The following CWC27 variants were observed in gnomAD, a reference collection of about 807,000 sequenced individuals.
CWC27 encodes the protein spliceosome-associated protein CWC27 homolog.
A neutral mutation model predicts 63.6 loss-of-function variants in CWC27; 47 were observed. The observed-to-expected ratio is 0.74, with a 90% confidence interval of 0.58 to 0.94. CWC27 has a LOEUF of 0.94. CWC27 is among the 40% of genes least tolerant of loss of function. CWC27 has a pLI of 0.00. For synonymous variants in CWC27, 175 were observed against 179.8 expected (o/e 0.97, Z 0.22); for missense variants, 495 against 554.3 (o/e 0.89, Z 1.07).
At chr5:64,895,545 A>G (rs1453485373) in intron 11 of CWC27, among the ~76,000 whole-genome samples, 1 of 152,208 alleles carries the variant, frequency 6.6e-6, no homozygotes, top group South Asian at 2.1e-4. Flanking sequence ...GTCCTCAAGG[A>G]AAGTATAAAA....
chr5:64,919,137 GCTTT>G (rs1177647607), intron 11 of CWC27, among the ~76,000 whole-genome samples: 2 of 152,134 alleles, frequency 1.3e-5, no homozygotes, highest in African/African-American at 4.8e-5. Context: ...AGATATAAAT[GCTTT>G]CTTTGTGTTT....
At chr5:64,975,188 C>T (rs1210049290) in intron 12 of CWC27, among the ~76,000 whole-genome samples, 3 of 152,122 alleles carry the variant, frequency 2.0e-5, no homozygotes, top group Admixed American at 2.0e-4. Flanking sequence ...AAAGCAATAA[C>T]CAACCACCTT....
chr5:65,008,669 T>G (rs1183003056), intron 13 of CWC27, among the ~76,000 whole-genome samples: 1 of 152,246 alleles, frequency 6.6e-6, no homozygotes, highest in African/African-American at 2.4e-5. Flanking sequence ...TAATTTTTGT[T>G]TACTTTTTCT....
chr5:64,813,675 A>C (rs1465253532), intron 10 of CWC27, among the ~76,000 whole-genome samples: 1 of 152,194 alleles, frequency 6.6e-6, no homozygotes, highest in Admixed American at 6.5e-5. Flanking sequence ...ACATTCTTTA[A>C]GTTATTCAGC....
At chr5:64,838,951 A>G (rs928538458) in intron 10 of CWC27, among the ~76,000 whole-genome samples, 5 of 152,236 alleles carry the variant, frequency 3.3e-5, no homozygotes, top group Admixed American at 6.5e-5. Flanking sequence ...ATAATCAGTC[A>G]TACTATAAAA....
At chr5:64,927,186 G>A (rs935041029) in intron 11 of CWC27, among the ~76,000 whole-genome samples, 1 of 152,090 alleles carries the variant, frequency 6.6e-6, no homozygotes, top group Non-Finnish European at 1.5e-5. Flanking sequence ...ACATCATTTA[G>A]TAAATCTGGC....
At chr5:64,773,419 C>A (rs956550438) in intron 1 of CWC27, among the ~76,000 whole-genome samples, 2 of 152,124 alleles carry the variant, frequency 1.3e-5, no homozygotes, top group African/African-American at 4.8e-5. Flanking sequence ...TCTACACAGA[C>A]AGAAAGTAGA....
In CWC27 at chr5:64,945,095, G is replaced by A. The variant is rs547176248; in HGVS notation, c.1043-26608G>A. 5.9e-5 allele frequency among the ~76,000 whole-genome samples: 9 copies of A among 152,086 alleles called. 1 individual carries two copies. In the South Asian group the frequency reaches 1.9e-3, roughly 32 times the overall value. On this transcript the variant is annotated intron_variant, in intron 11 of 13. Coordinates refer to ENST00000381070, the MANE Select transcript of CWC27 (RefSeq NM_005869.4). ...ATTGCTCATGCTGTTACCTTTTCTG[G>A]ACTGTGGTTCCTCCAGATGTTCACA...
intron 10 of CWC27, among the ~76,000 whole-genome samples, chr5:64,843,352 A>G (rs903161446): frequency 6.6e-6 from 1 of 152,246 alleles, no homozygotes; most frequent in Admixed American, 6.5e-5. Flanking sequence ...AAAGTTAAAG[A>G]TAGCCACTTT....
At chr5:64,957,812 A>G (rs1210728874) in intron 11 of CWC27, among the ~76,000 whole-genome samples, 1 of 152,076 alleles carries the variant, frequency 6.6e-6, no homozygotes, top group East Asian at 1.9e-4. Flanking sequence ...AATTATTAGT[A>G]AAAATAAGAC....
chr5:64,980,996 G>A (rs971665298), intron 13 of CWC27, among the ~76,000 whole-genome samples: 3 of 152,106 alleles, frequency 2.0e-5, no homozygotes, highest in Non-Finnish European at 4.4e-5. Flanking sequence ...GGAGGCTGAG[G>A]CACGAGAATC....
At chr5:64,783,718 A>T in intron 3 of CWC27, 118 bp from the exon 4 acceptor site, 1 of 829,450 alleles carries the variant, frequency 1.2e-6, no homozygotes. Flanking sequence ...AAAATCAATT[A>T]AGTAAAATGT....
intron 11 of CWC27, among the ~76,000 whole-genome samples, chr5:64,890,978 A>G (rs1192668629): frequency 6.6e-6 from 1 of 152,192 alleles, no homozygotes; most frequent in Non-Finnish European, 1.5e-5. Flanking sequence ...ACATTCATTC[A>G]TTTTGGTAGC....
chr5:64,932,549 GA>G (rs998501061), intron 11 of CWC27, among the ~76,000 whole-genome samples: 6 of 152,088 alleles, frequency 3.9e-5, no homozygotes, highest in Non-Finnish European at 8.8e-5. Flanking sequence ...TTGTTTAGAA[GA>G]ACATGCTTTT....
At position 64,814,616 on chromosome 5, in the gene CWC27, A is replaced by G. The variant is rs370833094; in HGVS notation, c.938+10230A>G. ...ACTTGCATTATGTCCCATAGCTAGA[A>G]AGCAGCGACACCAGTACTTGAACCT... On this transcript the variant is annotated intron_variant, in intron 10 of 13. Coordinates refer to ENST00000381070, the MANE Select transcript of CWC27 (RefSeq NM_005869.4). Among the ~76,000 whole-genome samples, 26 of 152,172 alleles carry G rather than the reference A, an allele frequency of 1.7e-4. 1 individual carries two copies. Among genetic ancestry groups the G allele is most frequent in the East Asian group, 1.5e-3 (8 of 5,182 alleles).
At chr5:64,881,889 G>C (rs185572360) in intron 10 of CWC27, among the ~76,000 whole-genome samples, 1 of 151,970 alleles carries the variant, frequency 6.6e-6, no homozygotes, top group Non-Finnish European at 1.5e-5. Flanking sequence ...CTTAGTGTTC[G>C]GAAAACATCA....
chr5:64,794,607 A>G (rs61551899), intron 7 of CWC27, among the ~76,000 whole-genome samples: 37,031 of 151,936 alleles, frequency 0.24, 7,673 homozygotes, highest in African/African-American at 0.57. Flanking sequence ...GAAGACGGGA[A>G]TGATGCCAAA....
At chr5:64,937,921 C>CTTTTTTTTTTTTTTTTTTTTTTTTTTTT (rs1211082437) in intron 11 of CWC27, among the ~76,000 whole-genome samples, 2 of 99,306 alleles carry the variant, frequency 2.0e-5, no homozygotes, top group African/African-American at 8.9e-5. Context: ...GCAATCTCTG[C>CTTTTTTTTTTTTTTTTTTTTTTTTTTTT]TTTTTTTTTT....
chr5:64,860,400 G>T (rs947945928), intron 10 of CWC27, among the ~76,000 whole-genome samples: 1 of 151,966 alleles, frequency 6.6e-6, no homozygotes, highest in African/African-American at 2.4e-5. Flanking sequence ...CGACTGTTGG[G>T]GCTAAGTGCC....
Sources: allele counts gnomAD v4.1 joint callset (sites outside exome capture counted in the v4.1 genomes callset), GRCh38; gene constraint gnomAD v4.1.1; transcripts MANE v1.5; gene names NCBI Gene and HGNC (gene_info 2026-07-23, HGNC 2026-07-21).